The following CFAP46 variants were observed in gnomAD, a reference collection of about 807,000 sequenced individuals.
The protein encoded by CFAP46 is cilia- and flagella-associated protein 46.
Under a neutral mutation model 325.7 loss-of-function variants are expected in CFAP46, and 245 were observed. That is an observed-to-expected ratio of 0.75 (90% CI 0.68 to 0.84). The LOEUF is 0.84. CFAP46 is among the 40% of genes least tolerant of loss of function. The pLI, the probability that CFAP46 is intolerant of heterozygous loss-of-function variation, is 0.00. For synonymous variants in CFAP46, 1,523 were observed against 1,495.9 expected, an observed-to-expected ratio of 1.02 and a Z score of -0.42; for missense variants, 3,346 against 3,543.0, an observed-to-expected ratio of 0.94 and a Z score of 1.41.
Position 132,920,271 on chromosome 10 carries a change from CCGGGGT to C in CFAP46, c.1607-95_1607-90del, listed in dbSNP as rs2135596455. On this transcript the variant is annotated intron_variant, in intron 13 of 57. Transcript: ENST00000368586. ...CAGTAACCAATGCCCTGCGCCGGCG[CCGGGGT>C]GGCCACCCACAGGTAGCGGCTCCAG... 15 of 1,413,020 alleles carry C rather than the reference CCGGGGT, an allele frequency of 1.1e-5. No individual in the cohort carries two copies. The South Asian group carries it at 2.3e-4, about 22-fold the overall frequency. The allele number at this position is 1,413,020 out of a possible 1,614,324, so 87.5% of individuals were successfully genotyped here. A position where few individuals can be genotyped will look rare whatever the true frequency, so the allele number is the denominator to read the frequency against.
chr10:132,894,082 G>A (rs1192846370), intron 24 of CFAP46, among the ~76,000 whole-genome samples: 1 of 151,644 alleles, frequency 6.6e-6, no homozygotes, highest in Non-Finnish European at 1.5e-5. Flanking sequence ...CTGGTAACAC[G>A]CTTTGAGGTT....
chr10:132,834,149 T>C, intron 48 of CFAP46, 26 bp from the exon 49 acceptor site: 1 of 1,609,814 alleles, frequency 6.2e-7, no homozygotes, highest in South Asian at 1.1e-5. Flanking sequence ...TATATTCGGG[T>C]TTAAGAAACA....
chr10:132,926,428 C>T (rs1849813042), intron 10 of CFAP46, 140 bp downstream of exon 10: 2 of 661,418 alleles, frequency 3.0e-6, no homozygotes, highest in Non-Finnish European at 5.4e-6. Flanking sequence ...CACCCGCTGT[C>T]ACGGGAGCCA....
At position 132,836,864 on chromosome 10, in the gene CFAP46, C is replaced by G; in HGVS notation, c.6489G>C (p.Glu2163Asp). 1 of 1,613,948 alleles carries G rather than the reference C, an allele frequency of 6.2e-7. No individual in the cohort carries two copies. The highest frequency in any genetic ancestry group is 8.5e-7 in the Non-Finnish European group (1 of 1,180,004). The part of the protein sequence containing the change: ...VTEQHFNLLN[E>D]MPPTFWILFL... ...AGAGGATCCAAAAGGTCGGAGGCAT[C>G]TCATTCAAGAGGTTAAAATGCTGCT... is the stretch of plus-strand genomic sequence containing the variant. Residue 2163 changes from glutamate to aspartate, a missense_variant, in exon 45 of 58, where the codon GAG becomes GAC. By Grantham distance (45) the Glu-to-Asp change is conservative. Transcript: ENST00000368586.
At position 132,885,301 on chromosome 10, in the gene CFAP46, G is replaced by A. The variant is rs1156345149; in HGVS notation, c.3444-15C>T. The A allele has an allele frequency of 2.0e-6, 3 of 1,535,544 alleles. No individual in the cohort carries two copies. The highest frequency in any genetic ancestry group is 2.4e-5 in the South Asian group (2 of 82,984). ...TGAAGATCAAGCTAAAGAAAGGGAA[G>A]GTGAGAAACCAACGTCAGGATCGGG... is the stretch of plus-strand genomic sequence containing the variant. On this transcript the variant is annotated splice_polypyrimidine_tract_variant and intron_variant, in intron 26 of 57. Coordinates refer to ENST00000368586, the MANE Select transcript of CFAP46 (RefSeq NM_001200049.3).
At chr10:132,866,656 C>T (rs1317916045) in intron 34 of CFAP46, among the ~76,000 whole-genome samples, 1 of 152,028 alleles carries the variant, frequency 6.6e-6, no homozygotes, top group Non-Finnish European at 1.5e-5. Flanking sequence ...CCTCGCTAAG[C>T]AGAGCCCCCG....
At chr10:132,837,977 G>A (rs1363643774) in intron 44 of CFAP46, among the ~76,000 whole-genome samples, 5 of 151,050 alleles carry the variant, frequency 3.3e-5, no homozygotes, top group East Asian at 2.0e-4. Flanking sequence ...ACACACTCAC[G>A]CAGACATGCA....
intron 50 of CFAP46, among the ~76,000 whole-genome samples, chr10:132,821,198 AGTGCTGATGTGTGCTGTGTGCTGTGTGT>A (rs1565035054): frequency 2.2e-4 from 11 of 49,934 alleles, no homozygotes; most frequent in African/African-American, 3.9e-4. Context: ...GTGCTGTGTG[AGTGCTGATGTGTGCTGTGTGCTGTGTGT>A]GTGCTGATGT....
chr10:132,858,733 G>C lies in CFAP46; in HGVS notation c.5375+338C>G, dbSNP rs531984943. On this transcript the variant is annotated intron_variant, in intron 38 of 57. Coordinates refer to ENST00000368586, the MANE Select transcript of CFAP46 (RefSeq NM_001200049.3). The stretch of plus-strand genomic sequence containing the variant: ...TGCAATGCGCGTGTGCCTGTGGCTG[G>C]TGGGGGTGGGTGGTGCTGTATGTCT... Among the ~76,000 whole-genome samples the C allele has an allele frequency of 4.8e-4, 73 of 152,264 alleles. 1 individual carries two copies. Among genetic ancestry groups the C allele is most frequent in the African/African-American group, 1.4e-3 (58 of 41,552 alleles).
At chr10:132,917,672 T>C (rs1193024939) in intron 16 of CFAP46, among the ~76,000 whole-genome samples, 1 of 152,210 alleles carries the variant, frequency 6.6e-6, no homozygotes, top group East Asian at 1.9e-4. Flanking sequence ...TTGGTTTATA[T>C]TTTTCTCCTA....
intron 50 of CFAP46, among the ~76,000 whole-genome samples, chr10:132,815,243 A>C (rs529459318): frequency 6.6e-6 from 1 of 152,192 alleles, no homozygotes; most frequent in African/African-American, 2.4e-5. Context: ...CCTTCTGTAC[A>C]GGGATTTACA....
chr10:132,824,210 CTGTGTGTGCTGTGTGT>C (rs1375288052), intron 50 of CFAP46, among the ~76,000 whole-genome samples: 23 of 113,460 alleles, frequency 2.0e-4, no homozygotes, highest in Non-Finnish European at 3.4e-4. Context: ...CTGATGTGTG[CTGTGTGTGCTGTGTGT>C]TGTGTGTGCT....
At chr10:132,833,108 A>G (rs4880432) in intron 50 of CFAP46, among the ~76,000 whole-genome samples, 86,867 of 151,808 alleles carry the variant, frequency 0.57, 26,697 homozygotes, top group African/African-American at 0.8. Flanking sequence ...CTGAGTAGCC[A>G]GGACCACAGG....
At chr10:132,859,604 C>T (rs1019531493) in intron 37 of CFAP46, among the ~76,000 whole-genome samples, 1 of 152,180 alleles carries the variant, frequency 6.6e-6, no homozygotes, top group Admixed American at 6.5e-5. Flanking sequence ...CACGCTGCAG[C>T]TGGGGGGCCC....
intron 44 of CFAP46, among the ~76,000 whole-genome samples, chr10:132,845,297 C>T (rs1331204016): frequency 6.6e-6 from 1 of 152,240 alleles, no homozygotes; most frequent in African/African-American, 2.4e-5. Context: ...TGGGTTGAGT[C>T]ACCAGTTCTC....
At chr10:132,836,276 A>G in intron 45 of CFAP46, 58 bp from the exon 46 acceptor site, 1 of 1,534,914 alleles carries the variant, frequency 6.5e-7, no homozygotes, top group Non-Finnish European at 9.0e-7. Context: ...CACACCTCAC[A>G]GCCCAGCTCC....
chr10:132,885,300 A>C lies in CFAP46; in HGVS notation c.3444-14T>G. The C allele has an allele frequency of 1.3e-6, 2 of 1,537,418 alleles. No individual in the cohort carries two copies. Among genetic ancestry groups the C allele is most frequent in the Non-Finnish European group, 1.8e-6 (2 of 1,137,416 alleles). ...TTGAAGATCAAGCTAAAGAAAGGGA[A>C]GGTGAGAAACCAACGTCAGGATCGG... On this transcript the variant is annotated splice_polypyrimidine_tract_variant and intron_variant, in intron 26 of 57. Transcript: ENST00000368586.
rs764444636 is a variant in CFAP46, at chr10:132,885,935, C to A, written c.3329G>T (p.Arg1110Leu). The A allele has an allele frequency of 1.1e-5, 17 of 1,550,200 alleles. No individual in the cohort carries two copies. In the African/African-American group the frequency reaches 2.1e-4, roughly 19 times the overall value. Residue 1110 changes from arginine (R) to leucine (L), a missense_variant, in exon 26 of 58, where the codon CGT becomes CTT. Physicochemically the swap from Arg to Leu is moderately radical, Grantham distance 102. Transcript: ENST00000368586. ...LPGAEDDLAL[R>L]AALYGLLFHS... ...GAAGAGCAGGCCGTAGAGCGCAGCA[C>A]GGAGCGCCAGGTCGTCCTCAGCCCC...
intron 11 of CFAP46, among the ~76,000 whole-genome samples, chr10:132,923,113 G>A (rs1329766704): frequency 1.3e-5 from 2 of 152,214 alleles, no homozygotes; most frequent in African/African-American, 2.4e-5. Context: ...GTGCGGAGCA[G>A]CCCAACCAGC....
Sources: gnomAD v4.1 joint callset for allele counts (sites outside exome capture counted in the v4.1 genomes callset) on GRCh38, gnomAD v4.1.1 for gene constraint, MANE v1.5 for transcripts, NCBI Gene and HGNC (gene_info 2026-07-23, HGNC 2026-07-21) for gene names.